Variants in CNBD1 observed in about 807,000 individuals in gnomAD.
The protein encoded by CNBD1 is cyclic nucleotide-binding domain-containing protein 1.
A neutral mutation model predicts 54.4 loss-of-function variants in CNBD1; 71 were observed. That is an observed-to-expected ratio of 1.30 (90% CI 1.08 to 1.59). The LOEUF is 1.59. CNBD1 is among the 40% of genes most tolerant of loss of function. The pLI is 0.00. For synonymous variants in CNBD1, 182 were observed against 170.7 expected (o/e 1.07, Z -0.51); for missense variants, 659 against 518.0 (o/e 1.27, Z -2.64).
intron 6 of CNBD1, among the ~76,000 whole-genome samples, chr8:87,272,886 A>C (rs569195830): frequency 1.3e-5 from 2 of 152,038 alleles, no homozygotes; most frequent in African/African-American, 4.8e-5. Flanking sequence ...TTAACACTAA[A>C]TTTCACATTA....
At chr8:86,923,180 C>T (rs774890135) in intron 3 of CNBD1, among the ~76,000 whole-genome samples, 1 of 152,154 alleles carries the variant, frequency 6.6e-6, no homozygotes, top group East Asian at 1.9e-4. Context: ...CCCGAGCAGG[C>T]GGCTCAAGGG....
intron 4 of CNBD1, among the ~76,000 whole-genome samples, chr8:86,983,680 A>T (rs1407919171): frequency 6.6e-6 from 1 of 152,156 alleles, no homozygotes; most frequent in African/African-American, 2.4e-5. Context: ...GAGACTGGTG[A>T]TATTTTGTAC....
intron 4 of CNBD1, among the ~76,000 whole-genome samples, chr8:87,016,292 A>T (rs1586199840): frequency 6.6e-6 from 1 of 152,030 alleles, no homozygotes; most frequent in African/African-American, 2.4e-5. Context: ...TTGGGTTACT[A>T]AAAAGTTAAA....
chr8:87,014,850 T>C (rs1411868015), intron 4 of CNBD1, among the ~76,000 whole-genome samples: 2 of 151,708 alleles, frequency 1.3e-5, no homozygotes, highest in African/African-American at 4.8e-5. Flanking sequence ...TGTAGAAAGA[T>C]ATTTTTGGTA....
At chr8:87,102,477 G>T (rs1811448100) in intron 4 of CNBD1, among the ~76,000 whole-genome samples, 1 of 152,220 alleles carries the variant, frequency 6.6e-6, no homozygotes, top group Non-Finnish European at 1.5e-5. Flanking sequence ...TTGTGGGCAA[G>T]ATTGCAGGTA....
intron 6 of CNBD1, among the ~76,000 whole-genome samples, 194 bp from the exon 7 acceptor site, chr8:87,284,484 G>A (rs1203474633): frequency 2.0e-5 from 3 of 151,940 alleles, no homozygotes; most frequent in South Asian, 2.1e-4. Context: ...TCTTCATGTC[G>A]GTGAAAAAGA....
In CNBD1 at chr8:87,237,049, T is replaced by C. The variant is rs780194243; in HGVS notation, c.708T>C (p.Ile236=). ...SFISQSFHSF[I]WSEEFKNSTL... is the part of the protein sequence containing the mutation. ...TATCTCAGAGTTTCCACAGCTTCAT[T>C]TGGAGTGAAGAATTCAAAAACTCTA... The change falls in exon 6 of 11, where the codon ATT becomes ATC. Residue 236 remains isoleucine (I), a synonymous_variant. Transcript: ENST00000518476. The C allele has an allele frequency of 8.7e-6, 14 of 1,612,014 alleles. No homozygotes were observed. Among genetic ancestry groups the C allele is most frequent in the Non-Finnish European group, 1.2e-5 (14 of 1,178,644 alleles).
At chr8:87,319,379 AT>A (rs1255356992) in intron 8 of CNBD1, among the ~76,000 whole-genome samples, 11 of 152,130 alleles carry the variant, frequency 7.2e-5, no homozygotes, top group Non-Finnish European at 1.3e-4. Context: ...TGCCTTGCCT[AT>A]AGCAGTAATA....
At chr8:87,369,296 A>G (rs1018666870) in intron 10 of CNBD1, among the ~76,000 whole-genome samples, 1 of 151,976 alleles carries the variant, frequency 6.6e-6, no homozygotes, top group Non-Finnish European at 1.5e-5. Context: ...CAATTCTACC[A>G]TTCCGTACAT....
intron 4 of CNBD1, among the ~76,000 whole-genome samples, chr8:86,999,834 A>G (rs1403160529): frequency 6.6e-6 from 1 of 152,196 alleles, no homozygotes; most frequent in Non-Finnish European, 1.5e-5. Flanking sequence ...TCAAAGCATC[A>G]GTGTTATTCC....
chr8:87,242,870 C>T (rs1284966550), intron 6 of CNBD1, among the ~76,000 whole-genome samples: 1 of 152,036 alleles, frequency 6.6e-6, no homozygotes, highest in Non-Finnish European at 1.5e-5. Context: ...GGGAATAAAT[C>T]CCAACTCAAA....
At chr8:87,327,675 C>T (rs1458940944) in intron 8 of CNBD1, among the ~76,000 whole-genome samples, 1 of 152,150 alleles carries the variant, frequency 6.6e-6, no homozygotes, top group Non-Finnish European at 1.5e-5. Flanking sequence ...GCCCGGTGCG[C>T]ACACCCACTG....
intron 8 of CNBD1, among the ~76,000 whole-genome samples, chr8:87,312,092 T>TA (rs1266520789): frequency 6.6e-6 from 1 of 152,062 alleles, no homozygotes; most frequent in Admixed American, 6.6e-5. Context: ...CCCCTGAATC[T>TA]AAAATGAGAG....
chr8:87,216,011 C>T (rs551039477), intron 5 of CNBD1, among the ~76,000 whole-genome samples: 119 of 152,248 alleles, frequency 7.8e-4, no homozygotes, highest in Non-Finnish European at 1.5e-3. Context: ...TGAGTTCTTT[C>T]GCTTAACATA....
rs181740775 is a variant in CNBD1 at position 87,245,778 on chromosome 8, A to G, written c.771+8666A>G. Among the ~76,000 whole-genome samples the G allele has an allele frequency of 1.2e-4, 18 of 152,130 alleles. No individual in the cohort carries two copies. The East Asian group carries it at 3.5e-3, about 29-fold the overall frequency. ...AGACTTTTGATTATAGTAGTGATAT[A>G]ATTTTTTAATATACGTGTTGCAAAT... On this transcript the variant is annotated intron_variant, in intron 6 of 10. Transcript: ENST00000518476.
intron 4 of CNBD1, among the ~76,000 whole-genome samples, chr8:87,058,436 A>G (rs1313508607): frequency 1.3e-5 from 2 of 152,172 alleles, no homozygotes; most frequent in Non-Finnish European, 2.9e-5. Flanking sequence ...TTCCAACCCC[A>G]CATTTCCTTT....
At chr8:87,305,267 C>T (rs541381221) in intron 8 of CNBD1, among the ~76,000 whole-genome samples, 2 of 152,154 alleles carry the variant, frequency 1.3e-5, no homozygotes, top group Admixed American at 6.5e-5. Context: ...GTGACATGAA[C>T]AAATGGAAAC....
chr8:87,383,643 A>C (rs1203713049), downstream of CNBD1, among the ~76,000 whole-genome samples: 1 of 152,090 alleles, frequency 6.6e-6, no homozygotes, highest in African/African-American at 2.4e-5. Context: ...AAAGCTTTAC[A>C]CCACAGGAAT....
intron 8 of CNBD1, among the ~76,000 whole-genome samples, chr8:87,348,080 T>A (rs1408019786): frequency 2.0e-5 from 3 of 152,196 alleles, no homozygotes; most frequent in Non-Finnish European, 4.4e-5. Flanking sequence ...TTATGCCAAG[T>A]GACAGGTACT....
Sources: gnomAD v4.1 joint callset for allele counts (sites outside exome capture counted in the v4.1 genomes callset) on GRCh38, gnomAD v4.1.1 for gene constraint, MANE v1.5 for transcripts, NCBI Gene and HGNC (gene_info 2026-07-23, HGNC 2026-07-21) for gene names.